Variants in CLYBL observed in about 807,000 individuals in gnomAD.
The protein encoded by CLYBL is citramalyl-CoA lyase, also known as citramalyl-CoA lyase, mitochondrial.
CLYBL carries 31 observed loss-of-function variants against 38.9 expected under a neutral mutation model. The ratio of observed to expected loss-of-function variants is 0.80; its 90% CI spans 0.60 to 1.08. The LOEUF (loss-of-function observed/expected upper bound fraction) is 1.08, where lower values mean the gene tolerates loss of function less well. Ranked by LOEUF, CLYBL falls within the 50% of genes least tolerant of loss-of-function variation. CLYBL has a pLI of 0.00. For missense variants in CLYBL, 434 were observed against 411.6 expected (o/e 1.05, Z -0.47); for synonymous variants, 171 against 158.6 (o/e 1.08, Z -0.59).
At chr13:99,660,622 T>C (rs1247199065) in intron 1 of CLYBL, among the ~76,000 whole-genome samples, 1 of 152,202 alleles carries the variant, frequency 6.6e-6, no homozygotes, top group Non-Finnish European at 1.5e-5. Context: ...AACCCACCAA[T>C]GGCCACCAAC....
In CLYBL at chr13:99,773,403, G is replaced by A. The variant is rs181861296; in HGVS notation, c.249+393G>A. ...GGAACTGGGCCAGAACCCAGGAGATGAGCAGTGGGTGAACAAGCATTATGG... is the reference window on the plus strand; with the variant it reads ...GGAACTGGGCCAGAACCCAGGAGATAAGCAGTGGGTGAACAAGCATTATGG... On this transcript the variant is annotated intron_variant, in intron 2 of 8. Coordinates refer to ENST00000339105, the MANE Select transcript of CLYBL (RefSeq NM_206808.5). Among the ~76,000 whole-genome samples, 135 of 152,300 alleles carry A rather than the reference G, an allele frequency of 8.9e-4. 1 individual carries two copies. Among genetic ancestry groups the A allele is most frequent in the African/African-American group, 3.1e-3 (128 of 41,564 alleles).
At chr13:99,687,512 A>G (rs542206609) in intron 1 of CLYBL, among the ~76,000 whole-genome samples, 1 of 152,336 alleles carries the variant, frequency 6.6e-6, no homozygotes, top group East Asian at 1.9e-4. Flanking sequence ...CGTTTGTTTC[A>G]CAGAAAATAC....
intron 2 of CLYBL, among the ~76,000 whole-genome samples, chr13:99,784,449 C>CTCTTGTTTTTTTTTTTT (rs71121010): frequency 1.5e-4 from 8 of 52,096 alleles, no homozygotes; most frequent in Non-Finnish European, 2.7e-4. Context: ...AAAATTCTCT[C>CTCTTGTTTTTTTTTTTT]TTTTTTTTTT....
rs542268344 is a variant in CLYBL, at chr13:99,700,947, C to T, written c.63-71877C>T. On this transcript the variant is annotated intron_variant, in intron 1 of 8. Transcript: ENST00000339105. ...CCCTCTCTGATTGTCAAGATTTCTT[C>T]GTCGATGTCAGTTTTCCAGTGTGAA... Among the ~76,000 whole-genome samples the T allele has an allele frequency of 1.1e-4, 16 of 152,188 alleles. No homozygotes were observed. The East Asian group carries it at 2.7e-3, about 26-fold the overall frequency.
intron 1 of CLYBL, among the ~76,000 whole-genome samples, chr13:99,708,765 T>C (rs1246222068): frequency 1.3e-5 from 2 of 152,068 alleles, no homozygotes; most frequent in Non-Finnish European, 2.9e-5. Flanking sequence ...GTGATTGTAT[T>C]TGGAAACATG....
intron 2 of CLYBL, among the ~76,000 whole-genome samples, chr13:99,780,259 A>G (rs954368767): frequency 1.3e-5 from 2 of 152,158 alleles, no homozygotes; most frequent in Non-Finnish European, 2.9e-5. Context: ...CAGCAACATC[A>G]ACTTTCCTTA....
At chr13:99,798,860 G>A (rs1218585566) in intron 2 of CLYBL, among the ~76,000 whole-genome samples, 1 of 152,226 alleles carries the variant, frequency 6.6e-6, no homozygotes, top group Non-Finnish European at 1.5e-5. Flanking sequence ...TATAGCTGCT[G>A]TAGAAGTCTA....
chr13:99,777,768 C>T (rs1443691571), intron 2 of CLYBL, among the ~76,000 whole-genome samples: 2 of 152,228 alleles, frequency 1.3e-5, no homozygotes, highest in South Asian at 2.1e-4. Flanking sequence ...GCTGGGATTA[C>T]AGGCGTGAGC....
rs112931645 is a variant in CLYBL at position 99,845,614 on chromosome 13, T to G, written c.250-13247T>G. Among the ~76,000 whole-genome samples, 462 of 152,190 alleles carry G rather than the reference T, an allele frequency of 3.0e-3. 2 individuals carry two copies. Among genetic ancestry groups the G allele is most frequent in the African/African-American group, 0.011 (447 of 41,520 alleles). ...GAGGAAAACATTTAATTATAGAAGA[T>G]CGGAAGCTCCCAGTGTTTGTGAGCT... On this transcript the variant is annotated intron_variant, in intron 2 of 8. Transcript: ENST00000339105.
chr13:99,641,770 C>T lies in CLYBL; in HGVS notation c.62+35013C>T, dbSNP rs372895535. On this transcript the variant is annotated intron_variant, in intron 1 of 8. Coordinates refer to ENST00000339105, the MANE Select transcript of CLYBL (RefSeq NM_206808.5). ...GAGCTTGCAGTGAGCTGAGATCGCA[C>T]CACTGCACTCCAGCCTGGGTGACAG... Among the ~76,000 whole-genome samples, 3 of 152,090 alleles carry T rather than the reference C, an allele frequency of 2.0e-5. No individual in the cohort carries two copies. In the East Asian group the frequency reaches 5.8e-4, roughly 29 times the overall value.
rs138539997 is a variant in CLYBL, at chr13:99,908,086, A to G, written c.*192A>G. Among the ~76,000 whole-genome samples, 607 of 152,312 alleles carry G rather than the reference A, an allele frequency of 4.0e-3. 2 individuals carry two copies. The highest frequency in any genetic ancestry group is 0.014 in the African/African-American group (589 of 41,568). ...GGAAAGAGCTTTTTCCTTCTCTACA[A>G]GGAGGAATCTGATGCAACTGACATC... On this transcript the variant is annotated 3_prime_UTR_variant and NMD_transcript_variant, in exon 10 of 10. Transcript: ENST00000689673.
intron 1 of CLYBL, among the ~76,000 whole-genome samples, chr13:99,663,826 A>G (rs1036508734): frequency 6.6e-6 from 1 of 152,166 alleles, no homozygotes; most frequent in African/African-American, 2.4e-5. Flanking sequence ...CCTGGAGCTT[A>G]TTACGGGCCT....
chr13:99,730,062 G>T (rs1481465239), intron 1 of CLYBL, among the ~76,000 whole-genome samples: 1 of 149,496 alleles, frequency 6.7e-6, no homozygotes, highest in Non-Finnish European at 1.5e-5. Flanking sequence ...ACCACCGTTG[G>T]CCCCACGTCA....
At chr13:99,795,115 C>G (rs1405757842) in intron 2 of CLYBL, among the ~76,000 whole-genome samples, 1 of 152,112 alleles carries the variant, frequency 6.6e-6, no homozygotes, top group Non-Finnish European at 1.5e-5. Flanking sequence ...AAGTGTGGCT[C>G]GTGAGGAGCA....
At chr13:99,618,732 C>T (rs968390655) in intron 1 of CLYBL, among the ~76,000 whole-genome samples, 3 of 152,232 alleles carry the variant, frequency 2.0e-5, no homozygotes, top group Non-Finnish European at 4.4e-5. Context: ...CACCCAGCCC[C>T]TGGTAACCAC....
At chr13:99,683,893 G>C (rs182085728) in intron 1 of CLYBL, among the ~76,000 whole-genome samples, 2,026 of 149,036 alleles carry the variant, frequency 0.014, 47 homozygotes, top group African/African-American at 0.047. Context: ...TTTTGAGACA[G>C]AGTCTCACTC....
At position 99,635,482 on chromosome 13, in the gene CLYBL, C is replaced by G. The variant is rs566230754; in HGVS notation, c.62+28725C>G. ...AGTGAGGTCAGGTCTGGCCATTCAG[C>G]CTCCCCTTCCACATGTTCAGCCCTC... is the stretch of plus-strand genomic sequence containing the variant. On this transcript the variant is annotated intron_variant, in intron 1 of 8. Coordinates refer to ENST00000339105, the MANE Select transcript of CLYBL (RefSeq NM_206808.5). Among the ~76,000 whole-genome samples, 42 of 152,242 alleles carry G rather than the reference C, an allele frequency of 2.8e-4. No individual in the cohort carries two copies. In the South Asian group the frequency reaches 3.5e-3, roughly 13 times the overall value.
At chr13:99,874,453 A>T (rs2051987132) in intron 7 of CLYBL, among the ~76,000 whole-genome samples, 1 of 152,142 alleles carries the variant, frequency 6.6e-6, no homozygotes, top group Non-Finnish European at 1.5e-5. Flanking sequence ...CTTTTTTTAT[A>T]ATAATGGTGA....
At chr13:99,658,604 C>T (rs1272056667) in intron 1 of CLYBL, among the ~76,000 whole-genome samples, 1 of 152,158 alleles carries the variant, frequency 6.6e-6, no homozygotes, top group Non-Finnish European at 1.5e-5. Context: ...AGGCCTCGGC[C>T]ACAGGCAGCG....
Sources: allele counts gnomAD v4.1 joint callset (sites outside exome capture counted in the v4.1 genomes callset), GRCh38; gene constraint gnomAD v4.1.1; transcripts MANE v1.5; gene names NCBI Gene and HGNC (gene_info 2026-07-23, HGNC 2026-07-21).